The following THEMIS variants were observed in gnomAD, a reference collection of about 807,000 sequenced individuals.
The protein encoded by THEMIS is thymocyte selection associated.
A neutral mutation model predicts 52.6 loss-of-function variants in THEMIS; 37 were observed. That is an observed-to-expected ratio of 0.70 (90% confidence interval 0.54 to 0.93). The LOEUF (loss-of-function observed/expected upper bound fraction) is 0.93. Among genes scored for constraint, THEMIS ranks in the 40% least tolerant of loss-of-function variants. The pLI, the probability that THEMIS is intolerant of heterozygous loss-of-function variation, is 0.00. For missense variants in THEMIS, 808 were observed against 763.1 expected, an observed-to-expected ratio of 1.06 and a Z score of -0.69; for synonymous variants, 292 against 272.7, an observed-to-expected ratio of 1.07 and a Z score of -0.70.
chr6:127,765,305 G>C (rs1479100352), intron 4 of THEMIS, among the ~76,000 whole-genome samples: 5 of 151,996 alleles, frequency 3.3e-5, no homozygotes, highest in African/African-American at 1.2e-4. Context: ...TTTGCATCGT[G>C]TCATGAATGT....
chr6:127,766,787 C>A (rs779150673), intron 4 of THEMIS, among the ~76,000 whole-genome samples: 79 of 152,122 alleles, frequency 5.2e-4, no homozygotes, highest in Non-Finnish European at 1.0e-3. Context: ...AATTGTACAT[C>A]AATATAAGGC....
At chr6:127,780,963 C>T (rs1283630249) in intron 4 of THEMIS, among the ~76,000 whole-genome samples, 3 of 152,060 alleles carry the variant, frequency 2.0e-5, no homozygotes, top group African/African-American at 7.2e-5. Context: ...GGGAAGTTCT[C>T]CTGAATAATA....
chr6:127,802,954 A>G (rs1777584985), intron 4 of THEMIS, among the ~76,000 whole-genome samples: 2 of 152,138 alleles, frequency 1.3e-5, no homozygotes, highest in Admixed American at 6.5e-5. Context: ...GTTTTAATCA[A>G]TTTCACCACC....
intron 1 of THEMIS, among the ~76,000 whole-genome samples, chr6:127,880,342 T>G (rs138017838): frequency 6.6e-6 from 1 of 152,196 alleles, no homozygotes; most frequent in East Asian, 1.9e-4. Flanking sequence ...CATAAACTCT[T>G]TGAGCAAGCC....
chr6:127,813,725 T>G lies in THEMIS; in HGVS notation c.916A>C (p.Thr306Pro), dbSNP rs1289387144. The G allele has an allele frequency of 6.2e-7, 1 of 1,613,946 alleles. No individual in the cohort carries two copies. Among genetic ancestry groups the G allele is most frequent in the Admixed American group, 1.7e-5 (1 of 59,978 alleles). The change falls in exon 4 of 6, where the codon ACC becomes CCC. Residue 306 changes from threonine (T) to proline (P), a missense_variant. Thr to Pro is a conservative substitution (Grantham distance 38). Transcript: ENST00000368248. ...TGGTACTTTTTGTGGATCACAATGG[T>G]TTTCCCAGGCTGTAAAATGCTTTGG... is the stretch of plus-strand genomic sequence containing the variant. ...LPQSILQPGKTIVIHKKYQAS... is the reference protein window; with the variant it reads ...LPQSILQPGKPIVIHKKYQAS...
intron 1 of THEMIS, chr6:127,868,409 G>T: frequency 2.0e-6 from 2 of 984,760 alleles, no homozygotes; most frequent in Non-Finnish European, 2.4e-6. Flanking sequence ...CTGAGGAAAA[G>T]AAAAAAGGAA....
chr6:127,785,176 CTACCTACCTAAT>C (rs1562255706), intron 4 of THEMIS, among the ~76,000 whole-genome samples: 9 of 151,510 alleles, frequency 5.9e-5, no homozygotes, highest in Non-Finnish European at 5.9e-5. Context: ...TACCTATTGT[CTACCTACCTAAT>C]CTATTATCTA....
At position 127,827,608 on chromosome 6, in the gene THEMIS, A is replaced by C. The variant is rs114262911; in HGVS notation, c.709+1868T>G. Among the ~76,000 whole-genome samples the C allele has an allele frequency of 9.9e-3, 1,504 of 152,316 alleles. 30 individuals are homozygous for C. Among genetic ancestry groups the C allele is most frequent in the African/African-American group, 0.035 (1,457 of 41,558 alleles). ...TATCCCCTGATCTGATGATGATTAC[A>C]TTCAATAGACTGCACTTCCATCCAG... On this transcript the variant is annotated intron_variant, in intron 3 of 5. Transcript: ENST00000368248.
At chr6:127,782,834 A>G (rs1371892914) in intron 4 of THEMIS, among the ~76,000 whole-genome samples, 1 of 152,208 alleles carries the variant, frequency 6.6e-6, no homozygotes, top group Non-Finnish European at 1.5e-5. Flanking sequence ...TATAGACTCA[A>G]TGCTACTCCC....
chr6:127,793,490 A>G (rs1777223553), intron 4 of THEMIS, among the ~76,000 whole-genome samples: 1 of 152,190 alleles, frequency 6.6e-6, no homozygotes, highest in Admixed American at 6.5e-5. Flanking sequence ...TACTACATGC[A>G]GGATTAAGAA....
rs267600796 is a variant in THEMIS at position 127,900,909 on chromosome 6, G to T, written c.24C>A (p.Phe8Leu). MALSLEEFVHSLDLRTLP... is the reference protein window; with the variant it reads MALSLEELVHSLDLRTLP... Reference sequence around the variant, plus strand: ...GGGTCCTGAGGTCAAGGGAGTGGACGAATTCTTCCAGTGATAATGCCATTG... The same window carrying T: ...GGGTCCTGAGGTCAAGGGAGTGGACTAATTCTTCCAGTGATAATGCCATTG... The change falls in exon 1 of 6, where the codon TTC (phenylalanine) becomes TTA (leucine). Residue 8 changes from phenylalanine (F) to leucine (L), a missense_variant. Coordinates refer to ENST00000368248, the MANE Select transcript of THEMIS (RefSeq NM_001010923.3). 19 of 1,612,942 alleles carry T rather than the reference G, an allele frequency of 1.2e-5. No individual in the cohort carries two copies. Among genetic ancestry groups the T allele is most frequent in the Non-Finnish European group, 8.5e-7 (1 of 1,179,348 alleles).
At chr6:127,890,994 C>A (rs1466502879) in intron 1 of THEMIS, among the ~76,000 whole-genome samples, 1 of 152,006 alleles carries the variant, frequency 6.6e-6, no homozygotes, top group Admixed American at 6.6e-5. Flanking sequence ...CCACAAGCAT[C>A]CTCTGTGCCC....
rs558108255 is a variant in THEMIS, at chr6:127,808,011, C to T, written c.1758+4872G>A. On this transcript the variant is annotated intron_variant, in intron 4 of 5. Coordinates refer to ENST00000368248, the MANE Select transcript of THEMIS (RefSeq NM_001010923.3). ...GTGCAGGATTTTTTTCTGCTCATTT[C>T]ACAGTACCTTGCCATTACTGCCTCC... Among the ~76,000 whole-genome samples, 152 of 152,272 alleles carry T rather than the reference C, an allele frequency of 1.0e-3. 2 individuals carry two copies. The highest frequency in any genetic ancestry group is 1.8e-4 in the Non-Finnish European group (12 of 68,012).
intron 1 of THEMIS, among the ~76,000 whole-genome samples, chr6:127,872,511 G>A (rs1017909236): frequency 2.0e-5 from 3 of 152,060 alleles, no homozygotes; most frequent in South Asian, 2.1e-4. Context: ...GCAGTGAGCC[G>A]AGATTGCGCC....
intron 4 of THEMIS, among the ~76,000 whole-genome samples, chr6:127,811,980 T>G (rs1296040986): frequency 6.6e-6 from 1 of 152,208 alleles, no homozygotes; most frequent in African/African-American, 2.4e-5. Flanking sequence ...ATCCATATAC[T>G]TGAAGCCTAA....
At chr6:127,900,738 A>G (rs899086376) in intron 1 of THEMIS, 104 bp downstream of exon 1, 9 of 967,358 alleles carry the variant, frequency 9.3e-6, no homozygotes, top group African/African-American at 1.6e-5. Context: ...CCTTTCCTTT[A>G]CCAGAACTCA....
intron 4 of THEMIS, among the ~76,000 whole-genome samples, chr6:127,767,472 T>G (rs1375618975): frequency 3.3e-5 from 5 of 152,132 alleles, no homozygotes; most frequent in Non-Finnish European, 7.4e-5. Context: ...CTTTTACTAT[T>G]TAACTAAGAC....
At chr6:127,748,709 A>G (rs1181665371) in intron 4 of THEMIS, among the ~76,000 whole-genome samples, 1 of 152,076 alleles carries the variant, frequency 6.6e-6, no homozygotes, top group Admixed American at 6.6e-5. Context: ...GAATCAAAAA[A>G]CAAGACTTTA....
chr6:127,770,970 G>A (rs947947798), intron 4 of THEMIS, among the ~76,000 whole-genome samples: 1 of 152,124 alleles, frequency 6.6e-6, no homozygotes, highest in African/African-American at 2.4e-5. Context: ...TAGGAAAAGA[G>A]GAAGTCAAAT....
Sources: gnomAD v4.1 joint callset for allele counts (sites outside exome capture counted in the v4.1 genomes callset) on GRCh38, gnomAD v4.1.1 for gene constraint, MANE v1.5 for transcripts, NCBI Gene and HGNC (gene_info 2026-07-23, HGNC 2026-07-21) for gene names.